Variants in CCDC178 observed in about 807,000 individuals in gnomAD.
The protein encoded by CCDC178 is coiled-coil domain-containing protein 178.
Under a neutral mutation model 117.4 loss-of-function variants are expected in CCDC178, and 126 were observed. That is an observed-to-expected ratio of 1.07 (90% CI 0.93 to 1.24). CCDC178 has a LOEUF of 1.24. CCDC178 is among the 50% of genes most tolerant of loss of function. The probability of loss-of-function intolerance (pLI) is 0.00; values close to 1 mark genes in which losing one functional copy is unlikely to be tolerated. For synonymous variants in CCDC178, 283 were observed against 313.4 expected (o/e 0.90, Z 1.02); for missense variants, 1,030 against 986.9 (o/e 1.04, Z -0.59).
In CCDC178 at chr18:33,197,796, A is replaced by T. The variant is rs894292566; in HGVS notation, c.2238+14100T>A. On this transcript the variant is annotated intron_variant, in intron 20 of 22. Transcript: ENST00000383096. Reference sequence around the variant, plus strand: ...TCAAAAGCTAAAACTATTTCTACTAATTTTTTTTGCTTTGTACATTCATTG... The same window carrying T: ...TCAAAAGCTAAAACTATTTCTACTATTTTTTTTTGCTTTGTACATTCATTG... 3.3e-5 allele frequency among the ~76,000 whole-genome samples: 5 copies of T among 151,808 alleles called. 1 individual carries two copies.
intron 20 of CCDC178, among the ~76,000 whole-genome samples, chr18:33,199,460 G>A (rs1305217651): frequency 6.6e-6 from 1 of 152,036 alleles, no homozygotes; most frequent in Non-Finnish European, 1.5e-5. Flanking sequence ...TATCTATTGT[G>A]ATGACTTATC....
chr18:33,241,320 A>G (rs1333139104), intron 15 of CCDC178, among the ~76,000 whole-genome samples: 3 of 151,894 alleles, frequency 2.0e-5, no homozygotes, highest in African/African-American at 7.2e-5. Context: ...AATCTCATTC[A>G]ATATACCACT....
chr18:33,404,607 C>CTA (rs1051947358), intron 3 of CCDC178, among the ~76,000 whole-genome samples: 1 of 152,072 alleles, frequency 6.6e-6, no homozygotes, highest in Non-Finnish European at 1.5e-5. Flanking sequence ...CCATTCCTAA[C>CTA]TATACACCCA....
At chr18:33,277,317 A>G (rs1017894071) in intron 12 of CCDC178, among the ~76,000 whole-genome samples, 2 of 152,162 alleles carry the variant, frequency 1.3e-5, no homozygotes, top group African/African-American at 4.8e-5. Context: ...AGAATTAATA[A>G]AAGAGAAATC....
intron 4 of CCDC178, among the ~76,000 whole-genome samples, chr18:33,391,204 C>CA (rs2063560185): frequency 6.6e-6 from 1 of 150,420 alleles, no homozygotes; most frequent in South Asian, 2.1e-4. Flanking sequence ...TAAATATGAA[C>CA]AAATCTAGAC....
chr18:32,953,804 A>AT (rs2144634771), intron 22 of CCDC178, among the ~76,000 whole-genome samples: 1 of 152,270 alleles, frequency 6.6e-6, no homozygotes, highest in South Asian at 2.1e-4. Context: ...GGACTTCCTT[A>AT]TTTTGGCTTT....
At chr18:33,323,272 C>T in intron 11 of CCDC178, 2 of 276,920 alleles carry the variant, frequency 7.2e-6, no homozygotes, top group African/African-American at 2.2e-5. Flanking sequence ...TAAGATGACA[C>T]AGAAATATAG....
chr18:33,337,309 A>G (rs2062753731), intron 9 of CCDC178, among the ~76,000 whole-genome samples: 1 of 152,006 alleles, frequency 6.6e-6, no homozygotes, highest in African/African-American at 2.4e-5. Flanking sequence ...TTTTTGGATG[A>G]GTCTTTTAAG....
chr18:33,075,153 A>G (rs1451707335), intron 21 of CCDC178, among the ~76,000 whole-genome samples: 1 of 152,214 alleles, frequency 6.6e-6, no homozygotes, highest in Admixed American at 6.5e-5. Flanking sequence ...ATGACAGATG[A>G]GTTCTCATCT....
chr18:33,169,288 C>T (rs2058569408), intron 20 of CCDC178, among the ~76,000 whole-genome samples: 1 of 152,160 alleles, frequency 6.6e-6, no homozygotes, highest in African/African-American at 2.4e-5. Flanking sequence ...CTTAGGGATA[C>T]ATTTTACTGG....
chr18:33,428,854 C>G (rs1483740805), intron 2 of CCDC178, among the ~76,000 whole-genome samples: 3 of 150,510 alleles, frequency 2.0e-5, no homozygotes, highest in African/African-American at 7.3e-5. Flanking sequence ...TCTCAGGACC[C>G]TTTAATGTGC....
At chr18:33,286,159 G>T (rs1017317460) in intron 12 of CCDC178, among the ~76,000 whole-genome samples, 7 of 149,678 alleles carry the variant, frequency 4.7e-5, no homozygotes, top group African/African-American at 1.8e-4. Flanking sequence ...TATTTTAGTA[G>T]GGATGGGGGG....
intron 20 of CCDC178, among the ~76,000 whole-genome samples, chr18:33,108,967 C>T (rs753057725): frequency 1.9e-4 from 29 of 151,678 alleles, no homozygotes; most frequent in Non-Finnish European, 3.7e-4. Context: ...TCCTTCTTGT[C>T]GCTCCAGGTC....
chr18:32,972,265 T>C (rs2054942870), intron 22 of CCDC178, among the ~76,000 whole-genome samples: 1 of 152,178 alleles, frequency 6.6e-6, no homozygotes, highest in Admixed American at 6.5e-5. Flanking sequence ...GCACCATTTA[T>C]TAAATAGGGA....
intron 21 of CCDC178, among the ~76,000 whole-genome samples, chr18:33,080,729 G>A (rs1294711485): frequency 1.3e-5 from 2 of 152,070 alleles, no homozygotes; most frequent in South Asian, 4.1e-4. Context: ...TTGTTTCATG[G>A]TGTTTTTATG....
At chr18:33,170,038 G>A (rs2058579967) in intron 20 of CCDC178, among the ~76,000 whole-genome samples, 1 of 151,776 alleles carries the variant, frequency 6.6e-6, no homozygotes, top group African/African-American at 2.4e-5. Flanking sequence ...GTCATGTTTT[G>A]TGGTATATCC....
intron 22 of CCDC178, among the ~76,000 whole-genome samples, chr18:32,972,051 T>C (rs187923445): frequency 1.3e-5 from 2 of 152,302 alleles, no homozygotes; most frequent in Admixed American, 1.3e-4. Context: ...ATTTTGGCTT[T>C]TTTTGAAATT....
In CCDC178 at chr18:33,415,555, G is replaced by T. The variant is rs192274175; in HGVS notation, c.-22-3445C>A. 2.4e-3 allele frequency among the ~76,000 whole-genome samples: 371 copies of T among 151,604 alleles called. 1 individual carries two copies. Among genetic ancestry groups the T allele is most frequent in the African/African-American group, 8.6e-3 (357 of 41,282 alleles). On this transcript the variant is annotated intron_variant, in intron 2 of 22. Coordinates refer to ENST00000383096, the MANE Select transcript of CCDC178 (RefSeq NM_001105528.4). Reference sequence around the variant, plus strand: ...ATCACACATCAGGGCCTGTCGTGGGGTGGGGGGATGGGGGATAGCATTAGG... The same window carrying T: ...ATCACACATCAGGGCCTGTCGTGGGTTGGGGGGATGGGGGATAGCATTAGG...
chr18:33,019,437 A>T (rs973347037), intron 21 of CCDC178, among the ~76,000 whole-genome samples: 16 of 152,206 alleles, frequency 1.1e-4, no homozygotes, highest in African/African-American at 3.9e-4. Context: ...GTTGTCCAAG[A>T]TATATGATTG....
Sources: allele counts gnomAD v4.1 joint callset (sites outside exome capture counted in the v4.1 genomes callset), GRCh38; gene constraint gnomAD v4.1.1; transcripts MANE v1.5; gene names NCBI Gene and HGNC (gene_info 2026-07-23, HGNC 2026-07-21).